The following CAST variants were observed in gnomAD, a reference collection of about 807,000 sequenced individuals.
CAST encodes the protein MIR583 host.
A neutral mutation model predicts 119.6 loss-of-function variants in CAST; 76 were observed. That is an observed-to-expected ratio of 0.64 (90% CI 0.53 to 0.77). CAST has a LOEUF of 0.77. CAST is among the 30% of genes least tolerant of loss of function. The pLI, the probability that CAST is intolerant of heterozygous loss-of-function variation, is 0.00. For synonymous variants in CAST, 319 were observed against 331.6 expected (o/e 0.96, Z 0.41); for missense variants, 953 against 946.5 (o/e 1.01, Z -0.09).
At chr5:96,344,228 G>C in the CAST span, among the ~76,000 whole-genome samples, 2 of 152,106 alleles carry the variant, frequency 1.3e-5, no homozygotes, top group Admixed American at 1.3e-4. Context: ...TGATGAGTCT[G>C]TATGTATAGG....
At chr5:96,526,536 A>G (rs1159241544), upstream of CAST, among the ~76,000 whole-genome samples, 1 of 152,190 alleles carries the variant, frequency 6.6e-6, no homozygotes, top group African/African-American at 2.4e-5. Context: ...TGATGGGGAA[A>G]TAAAGAGCTT....
At chr5:96,627,403 C>T (rs1747744662) in intron 1 of CAST, among the ~76,000 whole-genome samples, 2 of 152,264 alleles carry the variant, frequency 1.3e-5, no homozygotes, top group Non-Finnish European at 2.9e-5. Flanking sequence ...TGTAAAATGA[C>T]CCCCTTGACC....
chr5:96,263,575 C>A, the CAST span, among the ~76,000 whole-genome samples: 1 of 150,422 alleles, frequency 6.6e-6, no homozygotes, highest in Non-Finnish European at 1.5e-5. Flanking sequence ...GGATCCTTAC[C>A]ATGGAAAAAG....
At chr5:96,000,045 C>T in the CAST span, among the ~76,000 whole-genome samples, 2 of 152,218 alleles carry the variant, frequency 1.3e-5, no homozygotes, top group Admixed American at 1.3e-4. Flanking sequence ...TTACTATTTG[C>T]ATATCTTCTT....
intron 1 of CAST, among the ~76,000 whole-genome samples, chr5:96,557,853 A>G (rs1456881534): frequency 6.6e-6 from 1 of 152,210 alleles, no homozygotes; most frequent in Non-Finnish European, 1.5e-5. Flanking sequence ...CACCAAGCAG[A>G]CCTAACAGAA....
the CAST span, among the ~76,000 whole-genome samples, chr5:95,965,856 G>C: frequency 8.5e-4 from 130 of 152,274 alleles, no homozygotes; most frequent in African/African-American, 2.9e-3. Flanking sequence ...TGTAAATACA[G>C]GTTTTAAGTT....
At chr5:96,034,149 A>C in the CAST span, among the ~76,000 whole-genome samples, 2 of 152,084 alleles carry the variant, frequency 1.3e-5, no homozygotes, top group Non-Finnish European at 2.9e-5. Flanking sequence ...AAAGTACCCC[A>C]ATAGACATTT....
At chr5:96,442,666 C>T in the CAST span, among the ~76,000 whole-genome samples, 2 of 152,178 alleles carry the variant, frequency 1.3e-5, no homozygotes, top group African/African-American at 2.4e-5. Context: ...TCCTAAGCAT[C>T]GCTCCTCCCA....
chr5:96,505,619 G>C, the CAST span, among the ~76,000 whole-genome samples: 1 of 152,218 alleles, frequency 6.6e-6, no homozygotes, highest in Non-Finnish European at 1.5e-5. Flanking sequence ...AATCACCACT[G>C]GTTCTCAGTT....
At chr5:96,718,151 C>T (rs540320648) in intron 3 of CAST, among the ~76,000 whole-genome samples, 1 of 152,198 alleles carries the variant, frequency 6.6e-6, no homozygotes, top group Non-Finnish European at 1.5e-5. Context: ...TGAGGAAATA[C>T]GGAGGCTCCA....
chr5:96,640,885 C>A (rs1355850437), intron 1 of CAST, among the ~76,000 whole-genome samples: 2 of 152,128 alleles, frequency 1.3e-5, no homozygotes, highest in African/African-American at 4.8e-5. Context: ...GGCAGCACTC[C>A]CAGAAACTAA....
At chr5:96,560,523 C>T (rs1746335816) in intron 1 of CAST, among the ~76,000 whole-genome samples, 1 of 152,100 alleles carries the variant, frequency 6.6e-6, no homozygotes, top group South Asian at 2.1e-4. Flanking sequence ...AAAACAACCC[C>T]ATCAAAAAGT....
At chr5:96,588,971 G>T (rs1291834435) in intron 1 of CAST, among the ~76,000 whole-genome samples, 1 of 152,060 alleles carries the variant, frequency 6.6e-6, no homozygotes, top group Non-Finnish European at 1.5e-5. Flanking sequence ...TAATGTTTAG[G>T]CCTCAAGAAT....
the CAST span, among the ~76,000 whole-genome samples, chr5:96,330,687 A>C: frequency 6.6e-6 from 1 of 152,192 alleles, no homozygotes; most frequent in Non-Finnish European, 1.5e-5. Context: ...CCTTTAGTCA[A>C]AGCTAATGAA....
At chr5:96,220,018 C>T in the CAST span, among the ~76,000 whole-genome samples, 1 of 152,100 alleles carries the variant, frequency 6.6e-6, no homozygotes, top group Non-Finnish European at 1.5e-5. Flanking sequence ...TTCCTTTCCC[C>T]TTTCTTCCTT....
chr5:96,385,997 C>CATGTTACACTGAA, the CAST span, among the ~76,000 whole-genome samples: 1 of 152,186 alleles, frequency 6.6e-6, no homozygotes, highest in African/African-American at 2.4e-5. Context: ...GTAAACAAAA[C>CATGTTACACTGAA]ATGTTACCCC....
chr5:96,158,871 T>C, the CAST span, among the ~76,000 whole-genome samples: 1 of 152,088 alleles, frequency 6.6e-6, no homozygotes, highest in African/African-American at 2.4e-5. Flanking sequence ...TAAATACCAG[T>C]TTTTATTTCT....
chr5:96,132,246 T>G, the CAST span, among the ~76,000 whole-genome samples: 89 of 152,160 alleles, frequency 5.8e-4, no homozygotes, highest in African/African-American at 2.0e-3. Context: ...AAGCCTGCAC[T>G]AGGGAAATAG....
chr5:96,370,317 G>A, the CAST span, among the ~76,000 whole-genome samples: 17 of 152,020 alleles, frequency 1.1e-4, no homozygotes, highest in African/African-American at 3.9e-4. Flanking sequence ...ATGAAACAGC[G>A]ACTGTAATAG....
Sources: gnomAD v4.1 joint callset for allele counts (sites outside exome capture counted in the v4.1 genomes callset) on GRCh38, gnomAD v4.1.1 for gene constraint, MANE v1.5 for transcripts, NCBI Gene and HGNC (gene_info 2026-07-23, HGNC 2026-07-21) for gene names.